EYS: variants seen among roughly 807,000 people sequenced by gnomAD.
The protein encoded by EYS is EGF-like photoreceptor maintenance factor, also known as protein eyes shut homolog.
A neutral mutation model predicts 282.1 loss-of-function variants in EYS; 250 were observed. The ratio of observed to expected loss-of-function variants is 0.89; its 90% CI spans 0.80 to 0.98. EYS has a LOEUF of 0.98. EYS is among the 50% of genes least tolerant of loss of function. EYS has a pLI of 0.00. For missense variants in EYS, 4,016 were observed against 3,709.0 expected (o/e 1.08, Z -2.15); for synonymous variants, 1,355 against 1,282.9 (o/e 1.06, Z -1.20).
intron 35 of EYS, among the ~76,000 whole-genome samples, chr6:63,931,100 C>T (rs1246730111): frequency 6.6e-6 from 1 of 152,138 alleles, no homozygotes; most frequent in African/African-American, 2.4e-5. Context: ...GTATGATCAC[C>T]TGAGATTAGC....
chr6:65,530,833 T>C (rs1767740084), intron 2 of EYS, among the ~76,000 whole-genome samples: 1 of 152,172 alleles, frequency 6.6e-6, no homozygotes. Context: ...TCGGTCTGCA[T>C]ACTTTTTGTT....
At chr6:65,072,962 T>A (rs9453176) in intron 12 of EYS, among the ~76,000 whole-genome samples, 1,584 of 151,642 alleles carry the variant, frequency 0.01, 24 homozygotes, top group African/African-American at 0.035. Context: ...ACAAACATTA[T>A]ATAATTAATG....
intron 28 of EYS, among the ~76,000 whole-genome samples, chr6:64,396,950 G>T (rs116830527): frequency 0.031 from 4,730 of 151,910 alleles, 232 homozygotes; most frequent in African/African-American, 0.11. Flanking sequence ...GTATTCCTGG[G>T]CTCTCTCTCT....
chr6:64,494,542 C>A (rs1277635144), intron 26 of EYS, among the ~76,000 whole-genome samples: 2 of 151,456 alleles, frequency 1.3e-5, no homozygotes, highest in Non-Finnish European at 3.0e-5. Flanking sequence ...GTAATGACAT[C>A]CAAATAAACT....
rs757838698 is a variant in EYS at position 64,492,907 on chromosome 6, A to G, written c.5645-53555T>C. Among the ~76,000 whole-genome samples, 3 of 151,430 alleles carry G rather than the reference A, an allele frequency of 2.0e-5. No individual in the cohort carries two copies. In the South Asian group the frequency reaches 6.2e-4, roughly 31 times the overall value. On this transcript the variant is annotated intron_variant, in intron 26 of 42. Coordinates refer to ENST00000503581, the MANE Select transcript of EYS (RefSeq NM_001142800.2). ...AAGCACAGTTCTAGAGGCTAAAGAT[A>G]CAATGGTGAAATGGAGAGAATTTCT... is the stretch of plus-strand genomic sequence containing the variant.
At chr6:63,741,813 A>AT (rs1259638085) in intron 41 of EYS, 1 of 643,444 alleles carries the variant, frequency 1.6e-6, no homozygotes, top group East Asian at 2.8e-5. Context: ...CTAAGCTCCA[A>AT]TCCTTTTTCC....
chr6:65,368,767 C>T (rs1011760856), intron 8 of EYS, among the ~76,000 whole-genome samples: 2 of 151,662 alleles, frequency 1.3e-5, no homozygotes, highest in African/African-American at 4.8e-5. Flanking sequence ...TCAAGTAGTA[C>T]TTTAAGCATA....
chr6:64,014,116 A>C (rs866116460), intron 33 of EYS, among the ~76,000 whole-genome samples: 1 of 152,144 alleles, frequency 6.6e-6, no homozygotes, highest in Non-Finnish European at 1.5e-5. Flanking sequence ...ACTCACACAC[A>C]CACATATTTT....
intron 12 of EYS, among the ~76,000 whole-genome samples, chr6:65,082,205 G>A (rs2150172123): frequency 6.6e-6 from 1 of 152,118 alleles, no homozygotes; most frequent in Admixed American, 6.6e-5. Flanking sequence ...GTCAAGCATA[G>A]TTAATAATAA....
intron 30 of EYS, among the ~76,000 whole-genome samples, chr6:64,295,190 T>C (rs1210372133): frequency 1.3e-5 from 2 of 150,748 alleles, no homozygotes; most frequent in African/African-American, 2.5e-5. Flanking sequence ...CTGGCTAACA[T>C]GGTGAAACCC....
intron 2 of EYS, among the ~76,000 whole-genome samples, chr6:65,545,053 A>G (rs2127325252): frequency 1.3e-5 from 2 of 152,244 alleles, no homozygotes; most frequent in East Asian, 1.9e-4. Context: ...AAAATAACGG[A>G]AAATTACATT....
chr6:64,172,120 A>G (rs1764496060), intron 31 of EYS, among the ~76,000 whole-genome samples: 1 of 152,192 alleles, frequency 6.6e-6, no homozygotes, highest in African/African-American at 2.4e-5. Flanking sequence ...AACCTTTTCA[A>G]TATTCTTTCC....
rs369587953 is a variant in EYS at position 64,368,140 on chromosome 6, G to C, written c.6078+20550C>G. ...GTCCTGGTGTCTGTTGTTCTCGTCTGCGTCCACAGGTGCTCAAAGTTTAGT... is the reference window on the plus strand; with the variant it reads ...GTCCTGGTGTCTGTTGTTCTCGTCTCCGTCCACAGGTGCTCAAAGTTTAGT... On this transcript the variant is annotated intron_variant, in intron 29 of 42. Transcript: ENST00000503581. Among the ~76,000 whole-genome samples the C allele has an allele frequency of 5.3e-5, 8 of 152,168 alleles. No homozygotes were observed. The South Asian group carries it at 8.3e-4, about 16-fold the overall frequency.
At chr6:65,567,157 A>G (rs1233573506) in intron 2 of EYS, among the ~76,000 whole-genome samples, 2 of 151,940 alleles carry the variant, frequency 1.3e-5, no homozygotes, top group Non-Finnish European at 2.9e-5. Flanking sequence ...TTCTGCCATG[A>G]GAAAACATTG....
chr6:64,429,483 T>C (rs769099675), intron 28 of EYS, among the ~76,000 whole-genome samples: 8 of 152,024 alleles, frequency 5.3e-5, no homozygotes, highest in Non-Finnish European at 1.0e-4. Flanking sequence ...ATACAAAAAT[T>C]AGCTGGGCAT....
intron 31 of EYS, among the ~76,000 whole-genome samples, chr6:64,195,212 A>G (rs1340554186): frequency 6.6e-6 from 1 of 152,172 alleles, no homozygotes; most frequent in Non-Finnish European, 1.5e-5. Flanking sequence ...TTTAGTAAAG[A>G]TCTACTGGTG....
At chr6:63,908,233 ATC>A (rs1187084129) in intron 35 of EYS, among the ~76,000 whole-genome samples, 10 of 151,666 alleles carry the variant, frequency 6.6e-5, no homozygotes, top group African/African-American at 2.4e-4. Flanking sequence ...ATTGCTAATC[ATC>A]AAGAATGCAA....
intron 2 of EYS, among the ~76,000 whole-genome samples, chr6:65,624,167 T>C (rs1317265429): frequency 6.6e-6 from 1 of 152,236 alleles, no homozygotes; most frequent in Non-Finnish European, 1.5e-5. Flanking sequence ...AGTGGCTATA[T>C]AGAAATCTCA....
intron 14 of EYS, among the ~76,000 whole-genome samples, chr6:64,993,190 T>C (rs999965439): frequency 2.0e-5 from 3 of 152,012 alleles, no homozygotes; most frequent in Non-Finnish European, 4.4e-5. Flanking sequence ...CTCAAATAAT[T>C]GACATGTACC....
Sources: allele counts gnomAD v4.1 joint callset (sites outside exome capture counted in the v4.1 genomes callset), GRCh38; gene constraint gnomAD v4.1.1; transcripts MANE v1.5; gene names NCBI Gene and HGNC (gene_info 2026-07-23, HGNC 2026-07-21).